The following STXBP3 variants were observed in gnomAD, a reference collection of about 807,000 sequenced individuals.
STXBP3 encodes the protein syntaxin-binding protein 3.
Under a neutral mutation model 85.7 loss-of-function variants are expected in STXBP3, and 41 were observed. The ratio of observed to expected loss-of-function variants is 0.48; its 90% confidence interval spans 0.37 to 0.62. The LOEUF (loss-of-function observed/expected upper bound fraction) is 0.62. Among genes scored for constraint, STXBP3 ranks in the 20% least tolerant of loss-of-function variants. The pLI, the probability that STXBP3 is intolerant of heterozygous loss-of-function variation, is 0.00. For synonymous variants in STXBP3, 229 were observed against 231.7 expected (o/e 0.99, Z 0.10); for missense variants, 563 against 703.1 (o/e 0.80, Z 2.25).
chr1:108,787,874 C>T (rs1662892705), intron 11 of STXBP3, among the ~76,000 whole-genome samples: 1 of 152,018 alleles, frequency 6.6e-6, no homozygotes, highest in African/African-American at 2.4e-5. Context: ...ACTGCAGCCT[C>T]AACCTCTTGG....
At position 108,798,073 on chromosome 1, in the gene STXBP3, G is replaced by A. The variant is rs573243611; in HGVS notation, c.1357-72G>A. 4.8e-5 allele frequency: 58 copies of A among 1,218,440 alleles called. No individual in the cohort carries two copies. In the Middle Eastern group the frequency reaches 6.8e-4, roughly 14 times the overall value. 75.5% of individuals were successfully genotyped at this position (1,218,440 alleles called of 1,614,324 possible). On this transcript the variant is annotated intron_variant, in intron 15 of 18. Transcript: ENST00000370008. ...ATTTACTGGTAAATTAAATATCTTCGTTAGGAAACGTAAGAGTATTATATT... is the reference window on the plus strand; with the variant it reads ...ATTTACTGGTAAATTAAATATCTTCATTAGGAAACGTAAGAGTATTATATT...
chr1:108,747,648 AATT>A (rs1187709090), intron 1 of STXBP3, among the ~76,000 whole-genome samples: 3 of 152,224 alleles, frequency 2.0e-5, no homozygotes, highest in African/African-American at 7.2e-5. Context: ...AGTAGCATCT[AATT>A]AGTATTTCTT....
intron 17 of STXBP3, among the ~76,000 whole-genome samples, chr1:108,804,243 T>C (rs1016562650): frequency 2.6e-5 from 4 of 152,178 alleles, no homozygotes; most frequent in Admixed American, 6.5e-5. Context: ...GAAATTTTTC[T>C]TCAGATTTAG....
chr1:108,763,106 C>CT (rs1662174943), intron 6 of STXBP3, among the ~76,000 whole-genome samples: 1 of 152,114 alleles, frequency 6.6e-6, no homozygotes, highest in Non-Finnish European at 1.5e-5. Context: ...TGGCAATAGA[C>CT]AGAAAACAAC....
intron 11 of STXBP3, among the ~76,000 whole-genome samples, chr1:108,786,128 C>G (rs1570766519): frequency 6.6e-6 from 1 of 152,140 alleles, no homozygotes; most frequent in Non-Finnish European, 1.5e-5. Context: ...GAAGAAATAC[C>G]TGAGACTGGG....
chr1:108,776,470 T>C (rs1285025427), intron 8 of STXBP3, 47 bp downstream of exon 8: 2 of 1,435,006 alleles, frequency 1.4e-6, no homozygotes, highest in Admixed American at 4.1e-5. Context: ...GTCTGTCTTA[T>C]TTCTTTATAA....
At chr1:108,796,553 C>T in intron 14 of STXBP3, 67 bp from the exon 15 acceptor site, 1 of 1,442,450 alleles carries the variant, frequency 6.9e-7, no homozygotes, top group Non-Finnish European at 9.6e-7. Flanking sequence ...ATGGGTACTA[C>T]CTAAAGCCTT....
intron 6 of STXBP3, among the ~76,000 whole-genome samples, chr1:108,770,748 A>G (rs1662373676): frequency 7.0e-6 from 1 of 142,118 alleles, no homozygotes; most frequent in Non-Finnish European, 1.5e-5. Flanking sequence ...TTAACGGGGA[A>G]CTCTCAATAC....
chr1:108,755,297 A>G (rs530813767), intron 3 of STXBP3, among the ~76,000 whole-genome samples: 3 of 152,024 alleles, frequency 2.0e-5, no homozygotes, highest in Non-Finnish European at 2.9e-5. Context: ...ATCCAAAAAA[A>G]TTAACCAAGC....
chr1:108,783,394 C>T (rs1662758786), intron 11 of STXBP3, among the ~76,000 whole-genome samples: 2 of 152,170 alleles, frequency 1.3e-5, no homozygotes, highest in African/African-American at 4.8e-5. Context: ...GTCAGTACCC[C>T]TCCTGCCAGA....
intron 12 of STXBP3, among the ~76,000 whole-genome samples, 155 bp downstream of exon 12, chr1:108,793,802 T>C (rs1489996092): frequency 6.6e-6 from 1 of 152,222 alleles, no homozygotes; most frequent in Non-Finnish European, 1.5e-5. Context: ...ATCCCATATA[T>C]CTAAGCTTCT....
chr1:108,779,378 T>C lies in STXBP3; in HGVS notation c.777T>C (p.Tyr259=). 2 of 1,612,936 alleles carry C rather than the reference T, an allele frequency of 1.2e-6. No individual in the cohort carries two copies. Among genetic ancestry groups the C allele is most frequent in the Non-Finnish European group, 1.7e-6 (2 of 1,179,278 alleles). The change falls in exon 9 of 19, where the codon TAT becomes TAC. Residue 259 remains tyrosine, a synonymous_variant. Coordinates refer to ENST00000370008, the MANE Select transcript of STXBP3 (RefSeq NM_007269.4). ...AACTGACCTTTCAGGCAATGGCATA[T>C]GATCTACTACCAATTGAGAATGATA... ...LHELTFQAMA[Y]DLLPIENDTY... is the part of the protein sequence containing the mutation.
intron 9 of STXBP3, chr1:108,781,137 A>G (rs1016128666): frequency 6.6e-6 from 1 of 152,206 alleles, no homozygotes; most frequent in African/African-American, 2.4e-5. Context: ...GTGTAAGAAC[A>G]AAGTGGTATT....
At chr1:108,783,555 C>G (rs1220997803) in intron 11 of STXBP3, among the ~76,000 whole-genome samples, 2 of 152,100 alleles carry the variant, frequency 1.3e-5, no homozygotes, top group African/African-American at 4.8e-5. Context: ...ATTTGTTCAT[C>G]TTGTCTCCTT....
chr1:108,793,884 A>G (rs1353653010), intron 12 of STXBP3, among the ~76,000 whole-genome samples: 2 of 135,748 alleles, frequency 1.5e-5, no homozygotes, highest in Non-Finnish European at 3.1e-5. Context: ...TTTGTCTTGA[A>G]TAGCCTAACA....
At chr1:108,801,243 T>G (rs904909918) in intron 17 of STXBP3, among the ~76,000 whole-genome samples, 5 of 152,206 alleles carry the variant, frequency 3.3e-5, no homozygotes, top group Admixed American at 2.6e-4. Flanking sequence ...GTCCCTAACA[T>G]CTGAGTCTAC....
chr1:108,799,394 G>A (rs891337762), intron 16 of STXBP3, among the ~76,000 whole-genome samples: 2 of 152,014 alleles, frequency 1.3e-5, no homozygotes, highest in African/African-American at 4.8e-5. Context: ...GCTAGTATTT[G>A]TAAAATAAGA....
intron 13 of STXBP3, 119 bp from the exon 14 acceptor site, chr1:108,796,115 G>A: frequency 4.0e-6 from 4 of 1,000,926 alleles, no homozygotes; most frequent in Admixed American, 2.8e-5. Flanking sequence ...GATCTGCCTT[G>A]GCCTCCCAAA....
chr1:108,808,752 G>A (rs1663393684), intron 18 of STXBP3, 31 bp from the exon 19 acceptor site: 1 of 1,522,280 alleles, frequency 6.6e-7, no homozygotes, highest in South Asian at 1.1e-5. Context: ...TTAACTGCTG[G>A]CCTCTGAAAA....
Sources: allele counts gnomAD v4.1 joint callset (sites outside exome capture counted in the v4.1 genomes callset), GRCh38; gene constraint gnomAD v4.1.1; transcripts MANE v1.5; gene names NCBI Gene and HGNC (gene_info 2026-07-23, HGNC 2026-07-21).